The following MIB1 variants were observed in gnomAD, a reference collection of about 807,000 sequenced individuals.
MIB1 encodes MIB E3 ubiquitin protein ligase 1.
Under a neutral mutation model 124.5 loss-of-function variants are expected in MIB1, and 278 were observed. The ratio of observed to expected loss-of-function variants is 2.23; its 90% CI spans 2.02 to 2.47. MIB1 has a LOEUF of 2.47. Ranked by LOEUF, MIB1 falls within the 30% of genes most tolerant of loss-of-function variation. The probability of loss-of-function intolerance (pLI) is 0.00; values close to 1 mark genes in which losing one functional copy is unlikely to be tolerated. For synonymous variants in MIB1, 446 were observed against 429.4 expected (o/e 1.04, Z -0.48); for missense variants, 957 against 1,254.4 (o/e 0.76, Z 3.58).
At position 21,778,097 on chromosome 18, in the gene MIB1, T is replaced by C; in HGVS notation, c.637-6T>C. On this transcript the variant is annotated splice_region_variant and splice_polypyrimidine_tract_variant and intron_variant, in intron 4 of 20. Transcript: ENST00000261537. ...GGGTGATTTTTCTGGTTTCTTTTCT[T>C]CTTAGTCTGATCTGAAATGTGTCCA... 6.2e-7 allele frequency: 1 copy of C among 1,608,884 alleles called. No individual in the cohort carries two copies. Among genetic ancestry groups the C allele is most frequent in the Non-Finnish European group, 8.5e-7 (1 of 1,175,612 alleles).
At chr18:21,807,405 C>T (rs1482097648) in intron 10 of MIB1, among the ~76,000 whole-genome samples, 1 of 152,198 alleles carries the variant, frequency 6.6e-6, no homozygotes, top group Non-Finnish European at 1.5e-5. Context: ...GCACTCCAGC[C>T]TGGGTGGCAG....
At chr18:21,798,359 G>A in intron 8 of MIB1, 131 bp downstream of exon 8, 1 of 887,482 alleles carries the variant, frequency 1.1e-6, no homozygotes, top group Admixed American at 3.0e-5. Context: ...AGCCTTACTT[G>A]AATGTTGACC....
chr18:21,806,773 G>A (rs764372860), intron 10 of MIB1, among the ~76,000 whole-genome samples: 18 of 151,882 alleles, frequency 1.2e-4, no homozygotes, highest in South Asian at 2.1e-4. Context: ...ACAGGCGCAC[G>A]CCGCCACACC....
At chr18:21,801,526 G>A (rs1341659277) in intron 9 of MIB1, among the ~76,000 whole-genome samples, 1 of 152,130 alleles carries the variant, frequency 6.6e-6, no homozygotes, top group Non-Finnish European at 1.5e-5. Context: ...AGTGAAATAT[G>A]TGGATCAGCC....
intron 3 of MIB1, among the ~76,000 whole-genome samples, chr18:21,770,965 G>A (rs1381100609): frequency 6.6e-6 from 1 of 152,118 alleles, no homozygotes; most frequent in Non-Finnish European, 1.5e-5. Flanking sequence ...GGCTTGATTA[G>A]ATAGATTCAG....
Position 21,804,525 on chromosome 18 carries a change from T to A in MIB1, c.1479+511T>A, listed in dbSNP as rs1418374324. Among the ~76,000 whole-genome samples, 3 of 152,392 alleles carry A rather than the reference T, an allele frequency of 2.0e-5. No individual in the cohort carries two copies. In the East Asian group the frequency reaches 5.8e-4, roughly 29 times the overall value. On this transcript the variant is annotated intron_variant, in intron 10 of 20. Coordinates refer to ENST00000261537, the MANE Select transcript of MIB1 (RefSeq NM_020774.4). ...ATGCTTCATTTAATTTAGAATATATTCTTATAAAAGAGAAACACTTCTTAA... is the reference window on the plus strand; with the variant it reads ...ATGCTTCATTTAATTTAGAATATATACTTATAAAAGAGAAACACTTCTTAA...
intron 13 of MIB1, among the ~76,000 whole-genome samples, chr18:21,840,673 T>A (rs1183966522): frequency 9.8e-6 from 1 of 101,866 alleles, no homozygotes; most frequent in African/African-American, 3.2e-5. Flanking sequence ...ATATTTTTTT[T>A]TTTTTTTAAT....
At chr18:21,750,572 C>T (rs913053823) in intron 1 of MIB1, among the ~76,000 whole-genome samples, 2 of 152,200 alleles carry the variant, frequency 1.3e-5, no homozygotes, top group Non-Finnish European at 2.9e-5. Flanking sequence ...TGTGATCCGC[C>T]CGCCTCGGCC....
At chr18:21,824,826 TTATC>T (rs1322878749) in intron 12 of MIB1, among the ~76,000 whole-genome samples, 1 of 151,998 alleles carries the variant, frequency 6.6e-6, no homozygotes, top group East Asian at 1.9e-4. Context: ...TAATATTAAA[TTATC>T]TATAGTTTTA....
intron 1 of MIB1, among the ~76,000 whole-genome samples, chr18:21,715,385 C>G (rs1274212399): frequency 6.6e-6 from 1 of 152,094 alleles, no homozygotes; most frequent in African/African-American, 2.4e-5. Context: ...CTAGACTTTC[C>G]CTCTGACAGA....
intron 1 of MIB1, among the ~76,000 whole-genome samples, chr18:21,720,714 T>C (rs2040710565): frequency 1.3e-5 from 2 of 152,148 alleles, no homozygotes; most frequent in African/African-American, 4.8e-5. Context: ...TTTGGGAGGC[T>C]GAGAGGGGTA....
chr18:21,734,252 G>T (rs1188382198), intron 1 of MIB1, among the ~76,000 whole-genome samples: 3 of 151,522 alleles, frequency 2.0e-5, no homozygotes, highest in Non-Finnish European at 4.4e-5. Flanking sequence ...GACTACAGGC[G>T]CCCGCCACCA....
rs367667002 is a variant in MIB1 at position 21,849,368 on chromosome 18, C to T, written c.2566C>T (p.Gln856Ter). 5 of 1,608,662 alleles carry T rather than the reference C, an allele frequency of 3.1e-6. No individual in the cohort carries two copies. The highest frequency in any genetic ancestry group is 1.1e-5 in the South Asian group (1 of 90,176). The change falls in exon 17 of 21, where the codon CAG becomes TAG. Residue 856 changes from glutamine to a stop codon, truncating the protein, a stop_gained. Transcript: ENST00000261537. LOFTEE classifies it high-confidence loss of function. Reference sequence around the variant, plus strand: ...CAAGAAATGCCTCATCTGTAAAGAACAGGTTCAATCCAGGACAAAGGTAAG... The same window carrying T: ...CAAGAAATGCCTCATCTGTAAAGAATAGGTTCAATCCAGGACAAAGGTAAG... Reference protein sequence around the residue: ...RVKKCLICKEQVQSRTKIEEC... With the variant: ...RVKKCLICKE
In MIB1 at chr18:21,779,682, A is replaced by G. The variant is rs1372807681; in HGVS notation, c.905A>G (p.Asn302Ser). 2.5e-6 allele frequency: 4 copies of G among 1,611,682 alleles called. No individual in the cohort carries two copies. The highest frequency in any genetic ancestry group is 2.2e-5 in the East Asian group (1 of 44,884). Reference protein sequence around the residue: ...HDIVVQYPSGNRWTFNPAVLT... With the variant: ...HDIVVQYPSGSRWTFNPAVLT... ...ATTGTAGTACAGTATCCAAGTGGCA[A>G]TAGGTGGGTGATATCTCTCAATTTT... The change falls in exon 6 of 21, where the codon AAT becomes AGT. Residue 302 changes from asparagine to serine, a missense_variant. Transcript: ENST00000261537.
intron 14 of MIB1, 44 bp from the exon 15 acceptor site, chr18:21,844,048 T>C (rs1188109640): frequency 4.4e-6 from 7 of 1,599,968 alleles, no homozygotes; most frequent in Non-Finnish European, 6.0e-6. Flanking sequence ...AAGTTTCTTA[T>C]GGATGTGGAC....
At chr18:21,707,955 T>C (rs986852479) in intron 1 of MIB1, among the ~76,000 whole-genome samples, 2 of 152,186 alleles carry the variant, frequency 1.3e-5, no homozygotes, top group African/African-American at 4.8e-5. Flanking sequence ...GAGGGCCCTC[T>C]TTTGCCTTGC....
Position 21,765,850 on chromosome 18 carries a change from G to A in MIB1, c.308G>A (p.Cys103Tyr), listed in dbSNP as rs770637596. 1 of 1,614,142 alleles carries A rather than the reference G, an allele frequency of 6.2e-7. No homozygotes were observed. Among genetic ancestry groups the A allele is most frequent in the South Asian group, 1.1e-5 (1 of 91,078 alleles). ...GGCATTCGATGGAAGTGTGCAGAGT[G>A]TACAAATTATGATTTGTGCACAGTG... ...IIGIRWKCAECTNYDLCTVCY... is the reference protein window; with the variant it reads ...IIGIRWKCAEYTNYDLCTVCY... The change falls in exon 2 of 21, where the codon TGT (cysteine) becomes TAT (tyrosine). Residue 103 changes from cysteine to tyrosine, a missense_variant. Physicochemically the swap from Cys to Tyr is radical, Grantham distance 194 (BLOSUM62 -2). Transcript: ENST00000261537.
chr18:21,834,905 T>C (rs1476813141), intron 12 of MIB1, among the ~76,000 whole-genome samples: 1 of 152,222 alleles, frequency 6.6e-6, no homozygotes, highest in Non-Finnish European at 1.5e-5. Flanking sequence ...AAATGTACCA[T>C]ACTATGTAAA....
chr18:21,773,784 C>T, intron 4 of MIB1, 56 bp downstream of exon 4: 1 of 987,984 alleles, frequency 1.0e-6, no homozygotes, highest in East Asian at 2.6e-5. Context: ...GTGAATAGCT[C>T]TTACTGCTCT....
Sources: gnomAD v4.1 joint callset for allele counts (sites outside exome capture counted in the v4.1 genomes callset) on GRCh38, gnomAD v4.1.1 for gene constraint, MANE v1.5 for transcripts, NCBI Gene and HGNC (gene_info 2026-07-23, HGNC 2026-07-21) for gene names.